Variants in IFT57 observed in about 807,000 individuals in gnomAD.
The protein encoded by IFT57 is intraflagellar transport protein 57 homolog.
A neutral mutation model predicts 56.8 loss-of-function variants in IFT57; 59 were observed. The observed-to-expected ratio is 1.04, with a 90% CI of 0.84 to 1.29. The LOEUF is 1.29. Among genes scored for constraint, IFT57 ranks in the 50% most tolerant of loss-of-function variants. The probability of loss-of-function intolerance (pLI) is 0.00; values close to 1 mark genes in which losing one functional copy is unlikely to be tolerated. For synonymous variants in IFT57, 209 were observed against 186.1 expected (o/e 1.12, Z -1.00); for missense variants, 470 against 522.1 (o/e 0.90, Z 0.97).
At chr3:108,205,909 TTAA>T (rs1243958929) in intron 5 of IFT57, among the ~76,000 whole-genome samples, 1 of 129,852 alleles carries the variant, frequency 7.7e-6, no homozygotes, top group African/African-American at 2.9e-5. Context: ...TAATTATATA[TTAA>T]TATATATTAT....
At chr3:108,216,800 T>C (rs1022217777) in intron 3 of IFT57, among the ~76,000 whole-genome samples, 18 of 152,194 alleles carry the variant, frequency 1.2e-4, no homozygotes, top group African/African-American at 3.9e-4. Flanking sequence ...TAAAAGAGAA[T>C]GCAATTCTGT....
intron 1 of IFT57, among the ~76,000 whole-genome samples, chr3:108,220,700 G>C (rs560589935): frequency 1.4e-5 from 1 of 71,344 alleles, no homozygotes; most frequent in South Asian, 4.4e-4. Flanking sequence ...CATCTGGAAG[G>C]CTTACTGAAA....
At chr3:108,206,305 C>T (rs1021610294) in intron 5 of IFT57, among the ~76,000 whole-genome samples, 2 of 150,934 alleles carry the variant, frequency 1.3e-5, no homozygotes, top group African/African-American at 2.4e-5. Context: ...AAATCTTGGC[C>T]TATTAAAATG....
intron 6 of IFT57, among the ~76,000 whole-genome samples, chr3:108,181,186 C>T (rs2108313871): frequency 6.6e-6 from 1 of 152,184 alleles, no homozygotes; most frequent in African/African-American, 2.4e-5. Context: ...GCATCATCAA[C>T]TATCTTTAAA....
chr3:108,220,060 T>C (rs1279018003), intron 1 of IFT57, among the ~76,000 whole-genome samples: 1 of 152,224 alleles, frequency 6.6e-6, no homozygotes, highest in African/African-American at 2.4e-5. Context: ...CTAATAAAAA[T>C]ACTGGTACTT....
chr3:108,198,308 T>G (rs2080256540), intron 5 of IFT57, among the ~76,000 whole-genome samples: 1 of 152,244 alleles, frequency 6.6e-6, no homozygotes, highest in African/African-American at 2.4e-5. Flanking sequence ...TCTGCTTTCT[T>G]GTAATATAAA....
rs973823933 is a variant in IFT57 at position 108,210,314 on chromosome 3, TTGAC to T, written c.585+3613_585+3616del. ...GTTTCTAGATGATTATAGCAGAACT[TTGAC>T]TGTCAGAAATAATCTTTTTTTTTTT... On this transcript the variant is annotated intron_variant, in intron 4 of 10. Coordinates refer to ENST00000264538, the MANE Select transcript of IFT57 (RefSeq NM_018010.4). 2.7e-5 allele frequency among the ~76,000 whole-genome samples: 4 copies of T among 150,528 alleles called. No homozygotes were observed. The Admixed American group carries it at 2.7e-4, about 10-fold the overall frequency.
At chr3:108,187,941 TG>T (rs146158290) in intron 6 of IFT57, among the ~76,000 whole-genome samples, 3,518 of 151,264 alleles carry the variant, frequency 0.023, 53 homozygotes, top group African/African-American at 0.034. Context: ...CAAAGGTTTT[TG>T]TTTTTTTTTT....
chr3:108,218,642 T>G lies in IFT57; in HGVS notation c.387A>C (p.Ala129=). The change falls in exon 3 of 11, where the codon GCA becomes GCC. Residue 129 remains alanine, a synonymous_variant. Coordinates refer to ENST00000264538, the MANE Select transcript of IFT57 (RefSeq NM_018010.4). ...LSELRSFGRT[A]DFPPSKLKSG... is the part of the protein sequence containing the mutation. ...ACTTTAATTTTGAAGGAGGAAAATC[T>G]GCAGTTCTTCCCTGAAAAACAAAAG... 1 of 1,500,248 alleles carries G rather than the reference T, an allele frequency of 6.7e-7. No individual in the cohort carries two copies. Among genetic ancestry groups the G allele is most frequent in the East Asian group, 2.5e-5 (1 of 39,598 alleles). 92.9% of individuals were successfully genotyped at this position (1,500,248 alleles called of 1,614,324 possible).
At chr3:108,205,961 A>ATGT (rs1482919285) in intron 5 of IFT57, among the ~76,000 whole-genome samples, 8,325 of 95,902 alleles carry the variant, frequency 0.087, 321 homozygotes, top group Non-Finnish European at 0.096. Context: ...ATATATAAAT[A>ATGT]TATTATATAT....
chr3:108,219,785 G>C (rs1320110977), intron 1 of IFT57, among the ~76,000 whole-genome samples: 1 of 152,100 alleles, frequency 6.6e-6, no homozygotes, highest in Non-Finnish European at 1.5e-5. Context: ...AATTACTACT[G>C]TACCCAAAAT....
At chr3:108,175,344 A>C (rs965310250) in intron 6 of IFT57, among the ~76,000 whole-genome samples, 1 of 151,842 alleles carries the variant, frequency 6.6e-6, no homozygotes, top group East Asian at 1.9e-4. Context: ...CTCATATGAA[A>C]TCACATGTAT....
At chr3:108,217,752 C>T (rs1182927065) in intron 3 of IFT57, among the ~76,000 whole-genome samples, 1 of 150,582 alleles carries the variant, frequency 6.6e-6, no homozygotes, top group East Asian at 1.9e-4. Flanking sequence ...ACTGCTTACT[C>T]GCATTTTACC....
rs1166010850 is a variant in IFT57 at position 108,214,643 on chromosome 3, A to G, written c.495-622T>C. On this transcript the variant is annotated intron_variant, in intron 3 of 10. Transcript: ENST00000264538. ...TATAATACAAACTTTAATTTTAGCC[A>G]ATCAACCAAGTGAAAAAAAATCTCA... Among the ~76,000 whole-genome samples the G allele has an allele frequency of 3.9e-5, 6 of 152,178 alleles. No individual in the cohort carries two copies. In the South Asian group the frequency reaches 1.0e-3, roughly 26 times the overall value.
rs570546666 is a variant in IFT57, at chr3:108,186,679, C to T, written c.777+4842G>A. On this transcript the variant is annotated intron_variant, in intron 6 of 10. Transcript: ENST00000264538. ...AAAGCCAGAAATTAGAATGCATTTC[C>T]ATAAAGTTATACCAGTGTGCTTGCC... Among the ~76,000 whole-genome samples the T allele has an allele frequency of 7.2e-5, 11 of 152,126 alleles. No individual in the cohort carries two copies. In the East Asian group the frequency reaches 2.1e-3, roughly 29 times the overall value.
At chr3:108,168,352 T>A (rs927950128) in intron 6 of IFT57, among the ~76,000 whole-genome samples, 1 of 152,022 alleles carries the variant, frequency 6.6e-6, no homozygotes, top group Non-Finnish European at 1.5e-5. Flanking sequence ...CTGGAGTTCA[T>A]GTATTTTAAA....
intron 6 of IFT57, among the ~76,000 whole-genome samples, chr3:108,175,993 C>T (rs723272): frequency 6.6e-6 from 1 of 151,524 alleles, no homozygotes; most frequent in Admixed American, 6.6e-5. Flanking sequence ...CTTCTCCCTG[C>T]AAAAAAGCAA....
intron 6 of IFT57, among the ~76,000 whole-genome samples, chr3:108,176,186 T>C (rs968045720): frequency 6.6e-6 from 1 of 151,890 alleles, no homozygotes; most frequent in South Asian, 2.1e-4. Context: ...TTTATTTTAG[T>C]GAATTTAAAA....
chr3:108,168,968 T>A (rs1001725152), intron 6 of IFT57, among the ~76,000 whole-genome samples: 1 of 152,114 alleles, frequency 6.6e-6, no homozygotes, highest in African/African-American at 2.4e-5. Flanking sequence ...TGTGCATGTG[T>A]CTTTACAGTA....
Sources: gnomAD v4.1 joint callset for allele counts (sites outside exome capture counted in the v4.1 genomes callset) on GRCh38, gnomAD v4.1.1 for gene constraint, MANE v1.5 for transcripts, NCBI Gene and HGNC (gene_info 2026-07-23, HGNC 2026-07-21) for gene names.